CDCA7L: variants seen among roughly 807,000 people sequenced by gnomAD.
CDCA7L encodes cell division cycle-associated 7-like protein.
CDCA7L carries 44 observed loss-of-function variants against 57.4 expected under a neutral mutation model. The ratio of observed to expected loss-of-function variants is 0.77; its 90% CI spans 0.60 to 0.98. The LOEUF (loss-of-function observed/expected upper bound fraction) is 0.98. CDCA7L is among the 50% of genes least tolerant of loss of function. The pLI is 0.00. For missense variants in CDCA7L, 644 were observed against 580.6 expected (o/e 1.11, Z -1.12); for synonymous variants, 236 against 202.8 (o/e 1.16, Z -1.39).
intron 7 of CDCA7L, 99 bp from the exon 8 acceptor site, chr7:21,904,358 C>A: frequency 8.5e-7 from 1 of 1,181,772 alleles, no homozygotes. Flanking sequence ...TGAAGAAATA[C>A]CCCCGTCTCC....
intron 1 of CDCA7L, among the ~76,000 whole-genome samples, chr7:21,942,213 T>C (rs1786362241): frequency 6.6e-6 from 1 of 152,174 alleles, no homozygotes; most frequent in African/African-American, 2.4e-5. Flanking sequence ...GAACTAAAGC[T>C]CAGGCCCCTT....
chr7:21,935,417 A>G (rs1786131751), intron 1 of CDCA7L, among the ~76,000 whole-genome samples: 1 of 152,198 alleles, frequency 6.6e-6, no homozygotes, highest in Non-Finnish European at 1.5e-5. Context: ...TTATAGCTGT[A>G]AACACAATAA....
At chr7:21,902,940 TTTCAAGCTG>T in intron 9 of CDCA7L, 29 bp downstream of exon 9, 1 of 1,599,838 alleles carries the variant, frequency 6.3e-7, no homozygotes, top group Non-Finnish European at 8.5e-7. Flanking sequence ...AGCCTCAAGA[TTTCAAGCTG>T]TTTTGTAAGC....
At chr7:21,940,094 G>A (rs934281102) in intron 1 of CDCA7L, among the ~76,000 whole-genome samples, 1 of 152,134 alleles carries the variant, frequency 6.6e-6, no homozygotes, top group Admixed American at 6.5e-5. Flanking sequence ...TCTGCAGAAT[G>A]CTGACAGATG....
intron 7 of CDCA7L, among the ~76,000 whole-genome samples, chr7:21,904,622 T>G (rs1282698656): frequency 6.6e-6 from 1 of 152,198 alleles, no homozygotes; most frequent in Non-Finnish European, 1.5e-5. Flanking sequence ...GCACCCTTTA[T>G]AAGAATCTAA....
At chr7:21,938,852 A>G (rs928969973) in intron 1 of CDCA7L, among the ~76,000 whole-genome samples, 2 of 151,980 alleles carry the variant, frequency 1.3e-5, no homozygotes, top group African/African-American at 4.8e-5. Context: ...GAAATTTTAA[A>G]AAGAAAAATT....
chr7:21,902,146 G>A lies in CDCA7L; in HGVS notation c.*176C>T, dbSNP rs1784913359. On this transcript the variant is annotated 3_prime_UTR_variant, in exon 10 of 10. Transcript: ENST00000406877. ...TCTATATAGATTCCTCTGCTCTGCT[G>A]TCTTCCTGAGAAATCTTTGTAAGCA... 1 of 663,910 alleles carries A rather than the reference G, an allele frequency of 1.5e-6. No individual in the cohort carries two copies. The highest frequency in any genetic ancestry group is 2.7e-6 in the Non-Finnish European group (1 of 373,666). The allele number at this position is 663,910 out of a possible 1,614,324, so 41.1% of individuals were successfully genotyped here. A position where few individuals can be genotyped will look rare whatever the true frequency, so the allele number is the denominator to read the frequency against.
At position 21,901,769 on chromosome 7, in the gene CDCA7L, G is replaced by A. The variant is rs1366071189; in HGVS notation, c.*553C>T. The A allele has an allele frequency of 1.4e-5, 2 of 139,816 alleles. No individual in the cohort carries two copies. The highest frequency in any genetic ancestry group is 3.2e-5 in the Non-Finnish European group (2 of 62,186). 8.7% of individuals were successfully genotyped at this position (139,816 alleles called of 1,614,324 possible). A position where few individuals can be genotyped will look rare whatever the true frequency, so the allele number is the denominator to read the frequency against. On this transcript the variant is annotated 3_prime_UTR_variant, in exon 10 of 10. Transcript: ENST00000406877. ...CACTCTGTAAGGCCTCCAGTGTCCA[G>A]TGTCTACAATGTTGATGGTCCCCTT... is the stretch of plus-strand genomic sequence containing the variant.
In CDCA7L at chr7:21,901,090, A is replaced by G. The variant is rs1465575994; in HGVS notation, c.*1232T>C. Reference sequence around the variant, plus strand: ...ATGCCCTATGCCGGTCATCTTTGCAAAAGCCACCCCCGTGGACAGACAAGA... The same window carrying G: ...ATGCCCTATGCCGGTCATCTTTGCAGAAGCCACCCCCGTGGACAGACAAGA... On this transcript the variant is annotated 3_prime_UTR_variant, in exon 10 of 10. Coordinates refer to ENST00000406877, the MANE Select transcript of CDCA7L (RefSeq NM_018719.5). The G allele has an allele frequency of 6.2e-7, 1 of 1,613,818 alleles. No homozygotes were observed. The highest frequency in any genetic ancestry group is 1.3e-5 in the African/African-American group (1 of 74,902).
At chr7:21,907,918 G>A (rs1381747988) in intron 4 of CDCA7L, among the ~76,000 whole-genome samples, 1 of 152,146 alleles carries the variant, frequency 6.6e-6, no homozygotes, top group African/African-American at 2.4e-5. Flanking sequence ...AATGGTGCTG[G>A]GGAATCTCTT....
At chr7:21,914,636 T>C (rs1583853796) in intron 2 of CDCA7L, among the ~76,000 whole-genome samples, 1 of 151,944 alleles carries the variant, frequency 6.6e-6, no homozygotes. Flanking sequence ...GCATAGCAGG[T>C]AGGAAAGAGA....
At chr7:21,905,273 C>A (rs564532148) in intron 7 of CDCA7L, among the ~76,000 whole-genome samples, 6 of 152,094 alleles carry the variant, frequency 3.9e-5, no homozygotes, top group Non-Finnish European at 8.8e-5. Flanking sequence ...CTATACCGTT[C>A]CCTTCCCCCA....
rs1784859621 is a variant in CDCA7L at position 21,901,582 on chromosome 7, T to G, written c.*740A>C. The G allele has an allele frequency of 1.1e-5, 2 of 180,662 alleles. No homozygotes were observed. Among genetic ancestry groups the G allele is most frequent in the African/African-American group, 4.8e-5 (2 of 41,964 alleles). The allele number at this position is 180,662 out of a possible 1,614,324, so 11.2% of individuals were successfully genotyped here. On this transcript the variant is annotated 3_prime_UTR_variant, in exon 10 of 10. Coordinates refer to ENST00000406877, the MANE Select transcript of CDCA7L (RefSeq NM_018719.5). Reference sequence around the variant, plus strand: ...AGACTCCATCTCAAAAAAAAAAAAGTACATCATAAAAGTACATCATATGTG... The same window carrying G: ...AGACTCCATCTCAAAAAAAAAAAAGGACATCATAAAAGTACATCATATGTG...
Position 21,912,669 on chromosome 7 carries a change from GC to G in CDCA7L, c.166-916del, listed in dbSNP as rs1198652054. On this transcript the variant is annotated intron_variant, in intron 2 of 9. Transcript: ENST00000406877. ...GCTGGGGCCTCTCTCAGCCCCCACC[GC>G]CCACCACCAGAGAGCCTAGACTTGC... Among the ~76,000 whole-genome samples, 5 of 152,152 alleles carry G rather than the reference GC, an allele frequency of 3.3e-5. No homozygotes were observed. In the East Asian group the frequency reaches 9.7e-4, roughly 29 times the overall value.
intron 3 of CDCA7L, among the ~76,000 whole-genome samples, chr7:21,910,850 G>A (rs1003517981): frequency 6.6e-6 from 1 of 151,992 alleles, no homozygotes; most frequent in Non-Finnish European, 1.5e-5. Context: ...AATCCACAAT[G>A]CATGGGGAAC....
rs2128053205 is a variant in CDCA7L at position 21,900,951 on chromosome 7, C to CATTATCATTAGTAGCA, written c.*1355_*1370dup. 1 of 1,504,112 alleles carries CATTATCATTAGTAGCA rather than the reference C, an allele frequency of 6.6e-7. No individual in the cohort carries two copies. The highest frequency in any genetic ancestry group is 1.4e-5 in the South Asian group (1 of 69,874). The allele number at this position is 1,504,112 out of a possible 1,614,324, so 93.2% of individuals were successfully genotyped here. A position where few individuals can be genotyped will look rare whatever the true frequency, so the allele number is the denominator to read the frequency against. ...TATTGCATCAAACAACTTACTTGAT[C>CATTATCATTAGTAGCA]ATTATCATTAGTAGCAAGCTGCCAC... On this transcript the variant is annotated 3_prime_UTR_variant, in exon 10 of 10. Transcript: ENST00000406877.
At chr7:21,945,714 G>A in intron 1 of CDCA7L, 67 bp downstream of exon 1, 2 of 1,587,956 alleles carry the variant, frequency 1.3e-6, no homozygotes, top group Non-Finnish European at 8.6e-7. Flanking sequence ...AGGCCAGCAG[G>A]ACCGGGTGGC....
In CDCA7L at chr7:21,906,418, C is replaced by G. The variant is rs759666563; in HGVS notation, c.792G>C (p.Gln264His). The G allele has an allele frequency of 1.9e-6, 3 of 1,612,352 alleles. No homozygotes were observed. The highest frequency in any genetic ancestry group is 2.2e-5 in the East Asian group (1 of 44,852). ...GGGTTGGGTTCATACGCCGCGTGAT[C>G]TGTCCCTCCGAGAAGGCCCGCCTCA... is the stretch of plus-strand genomic sequence containing the variant. ...KTVRRAFSEG[Q>H]ITRRMNPTRS... Residue 264 changes from glutamine (Q) to histidine (H), a missense_variant, in exon 6 of 10, where the codon CAG becomes CAC. Coordinates refer to ENST00000406877, the MANE Select transcript of CDCA7L (RefSeq NM_018719.5).
intron 1 of CDCA7L, among the ~76,000 whole-genome samples, chr7:21,927,051 C>A (rs1235163542): frequency 6.6e-6 from 1 of 152,132 alleles, no homozygotes. Context: ...AGCACAGAGT[C>A]AGTCTGCAAA....
Sources: allele counts gnomAD v4.1 joint callset (sites outside exome capture counted in the v4.1 genomes callset), GRCh38; gene constraint gnomAD v4.1.1; transcripts MANE v1.5; gene names NCBI Gene and HGNC (gene_info 2026-07-23, HGNC 2026-07-21).